DGKB: variants seen among roughly 807,000 people sequenced by gnomAD.
The protein encoded by DGKB is 90 kDa diacylglycerol kinase.
In DGKB, 67 loss-of-function variants were observed where a neutral mutation model predicts 114.3. The ratio of observed to expected loss-of-function variants is 0.59; its 90% CI spans 0.48 to 0.72. The LOEUF (loss-of-function observed/expected upper bound fraction) is 0.72, where lower values mean the gene tolerates loss of function less well. Ranked by LOEUF, DGKB falls within the 30% of genes least tolerant of loss-of-function variation. The pLI is 0.00. For synonymous variants in DGKB, 398 were observed against 323.1 expected (o/e 1.23, Z -2.49); for missense variants, 907 against 975.2 (o/e 0.93, Z 0.93).
intron 20 of DGKB, among the ~76,000 whole-genome samples, chr7:14,569,647 C>T (rs1303487577): frequency 6.6e-6 from 1 of 152,042 alleles, no homozygotes; most frequent in African/African-American, 2.4e-5. Flanking sequence ...TATAATTATC[C>T]AATTCAATTG....
intron 21 of DGKB, among the ~76,000 whole-genome samples, chr7:14,383,612 C>T (rs967320107): frequency 6.6e-5 from 10 of 152,146 alleles, no homozygotes; most frequent in East Asian, 3.9e-4. Context: ...TGCTCCAGCC[C>T]GCGTATCAAT....
intron 20 of DGKB, among the ~76,000 whole-genome samples, chr7:14,565,751 G>A (rs1272105524): frequency 6.6e-6 from 1 of 151,650 alleles, no homozygotes; most frequent in Non-Finnish European, 1.5e-5. Context: ...GGCTCTTAGT[G>A]TACTCATCTG....
chr7:14,929,320 A>G (rs1247761839), intron 1 of DGKB, among the ~76,000 whole-genome samples: 1 of 152,106 alleles, frequency 6.6e-6, no homozygotes, highest in African/African-American at 2.4e-5. Context: ...CTGTTTTCAT[A>G]GAGGTTGTAC....
chr7:14,639,192 G>A (rs970050313), intron 13 of DGKB, among the ~76,000 whole-genome samples: 1 of 152,134 alleles, frequency 6.6e-6, no homozygotes, highest in African/African-American at 2.4e-5. Context: ...TAAAGTGTGG[G>A]TGTAATAAGA....
At chr7:14,908,199 T>C (rs1464215439), upstream of DGKB, among the ~76,000 whole-genome samples, 3 of 152,230 alleles carry the variant, frequency 2.0e-5, no homozygotes, top group South Asian at 2.1e-4. Context: ...AGAGAAGGCA[T>C]ACATATTGTG....
chr7:14,740,470 A>G lies in DGKB; in HGVS notation c.169-4276T>C, dbSNP rs184236622. The stretch of plus-strand genomic sequence containing the variant: ...CACCCTTTTCTCTCCCTTGTTTGAG[A>G]GGACCCAATTTTAGAGCTTCACCTT... On this transcript the variant is annotated intron_variant, in intron 4 of 25. Coordinates refer to ENST00000402815, the MANE Select transcript of DGKB (RefSeq NM_001350709.2). Among the ~76,000 whole-genome samples the G allele has an allele frequency of 9.2e-5, 14 of 152,232 alleles. No homozygotes were observed. The East Asian group carries it at 2.7e-3, about 29-fold the overall frequency.
At chr7:14,540,255 A>C (rs528002887) in intron 20 of DGKB, among the ~76,000 whole-genome samples, 1 of 152,270 alleles carries the variant, frequency 6.6e-6, no homozygotes, top group Admixed American at 6.5e-5. Flanking sequence ...TTTACTATAA[A>C]GATGCAATTT....
chr7:14,351,661 T>TA (rs1813457567), intron 21 of DGKB, among the ~76,000 whole-genome samples: 1 of 152,210 alleles, frequency 6.6e-6, no homozygotes, highest in South Asian at 2.1e-4. Context: ...TCAAAGTATG[T>TA]AATAGTGGCA....
chr7:14,903,871 C>A (rs567279619), upstream of DGKB, among the ~76,000 whole-genome samples: 51 of 152,200 alleles, frequency 3.4e-4, no homozygotes, highest in South Asian at 6.4e-3. Flanking sequence ...AGCTTATACA[C>A]GGGGTATCTT....
At chr7:14,362,200 T>C (rs1815884152) in intron 21 of DGKB, among the ~76,000 whole-genome samples, 2 of 152,024 alleles carry the variant, frequency 1.3e-5, no homozygotes, top group Admixed American at 1.3e-4. Flanking sequence ...ATAAAATAAA[T>C]CATAAAGACT....
At chr7:14,508,923 C>A (rs1022986638) in intron 20 of DGKB, among the ~76,000 whole-genome samples, 3 of 152,102 alleles carry the variant, frequency 2.0e-5, no homozygotes, top group African/African-American at 4.8e-5. Flanking sequence ...CACATTCATT[C>A]TTCAAGTGAG....
At chr7:14,648,435 C>A (rs1353083521) in intron 13 of DGKB, among the ~76,000 whole-genome samples, 1 of 152,166 alleles carries the variant, frequency 6.6e-6, no homozygotes, top group East Asian at 1.9e-4. Context: ...GCTGAGGGTC[C>A]TCTCTGTTAG....
At chr7:14,742,192 G>A (rs1045973624) in intron 4 of DGKB, among the ~76,000 whole-genome samples, 2 of 152,148 alleles carry the variant, frequency 1.3e-5, no homozygotes, top group Non-Finnish European at 2.9e-5. Context: ...TCTTCCACCT[G>A]TATCTGCTTA....
chr7:14,886,055 A>T (rs1587189197), intron 1 of DGKB, among the ~76,000 whole-genome samples: 1 of 152,066 alleles, frequency 6.6e-6, no homozygotes. Flanking sequence ...TACAAGTATT[A>T]AGCAAGAATG....
At chr7:14,425,559 AACAT>A (rs1360845634) in intron 21 of DGKB, among the ~76,000 whole-genome samples, 2 of 152,218 alleles carry the variant, frequency 1.3e-5, no homozygotes, top group African/African-American at 4.8e-5. Context: ...ACCTATATCC[AACAT>A]ACAGAAAGAA....
At chr7:14,946,472 A>T (rs1187816593) in intron 1 of DGKB, among the ~76,000 whole-genome samples, 1 of 151,758 alleles carries the variant, frequency 6.6e-6, no homozygotes, top group Non-Finnish European at 1.5e-5. Context: ...CTCATCCAAC[A>T]TATATACACA....
At chr7:14,534,688 G>T (rs555548281) in intron 20 of DGKB, among the ~76,000 whole-genome samples, 5 of 151,924 alleles carry the variant, frequency 3.3e-5, no homozygotes, top group Non-Finnish European at 7.4e-5. Flanking sequence ...ACTATACTTA[G>T]ACAAAAATAG....
intron 5 of DGKB, among the ~76,000 whole-genome samples, chr7:14,729,123 C>CTTTTTTTT (rs1162368398): frequency 5.3e-5 from 6 of 113,420 alleles, no homozygotes; most frequent in Admixed American, 1.9e-4. Flanking sequence ...CATTTTCTTT[C>CTTTTTTTT]TTTTTTTTTT....
chr7:14,544,945 T>C (rs1172443562), intron 20 of DGKB, among the ~76,000 whole-genome samples: 2 of 152,122 alleles, frequency 1.3e-5, no homozygotes. Context: ...CTCCCACTTG[T>C]ATTTTTACTG....
Sources: gnomAD v4.1 joint callset for allele counts (sites outside exome capture counted in the v4.1 genomes callset) on GRCh38, gnomAD v4.1.1 for gene constraint, MANE v1.5 for transcripts, NCBI Gene and HGNC (gene_info 2026-07-23, HGNC 2026-07-21) for gene names.